TICRR: variants seen among roughly 807,000 people sequenced by gnomAD.
TICRR encodes treslin.
TICRR carries 132 observed loss-of-function variants against 178.1 expected under a neutral mutation model. The observed-to-expected ratio is 0.74, with a 90% confidence interval of 0.64 to 0.86. TICRR has a LOEUF of 0.86. TICRR is among the 40% of genes least tolerant of loss of function. TICRR has a pLI of 0.00. For missense variants in TICRR, 2,587 were observed against 2,334.3 expected (o/e 1.11, Z -2.23); for synonymous variants, 991 against 900.7 (o/e 1.10, Z -1.79).
At chr15:89,606,877 T>A in intron 14 of TICRR, 52 bp downstream of exon 14, 7 of 1,505,720 alleles carry the variant, frequency 4.6e-6, no homozygotes, top group Non-Finnish European at 6.5e-6. Context: ...ACAACTTTAT[T>A]TTTATTGTAT....
At chr15:89,602,954 C>G (rs1304600850) in intron 13 of TICRR, 62 bp downstream of exon 13, 2 of 868,038 alleles carry the variant, frequency 2.3e-6, no homozygotes, top group Non-Finnish European at 3.3e-6. Context: ...AGTGTCCCTA[C>G]TTTTAGGAAA....
Position 89,576,111 on chromosome 15 carries a change from G to A in TICRR, c.525G>A (p.Glu175=), listed in dbSNP as rs371496400. 7.9e-5 allele frequency: 128 copies of A among 1,611,036 alleles called. No individual in the cohort carries two copies. Among genetic ancestry groups the A allele is most frequent in the Admixed American group, 2.5e-4 (15 of 59,998 alleles). ...TGCTGCAGTTCGTGTCTGGGTGCGA[G>A]GCCCAGGCCCAGCGCCTGCCGCCCA... ...RELLQFVSGC[E]AQAQRLPPTP... Residue 175 remains glutamate (E), a synonymous_variant, in exon 1 of 22, where the codon GAG becomes GAA. Transcript: ENST00000268138.
At chr15:89,601,206 G>T (rs1963088985) in intron 9 of TICRR, 92 bp from the exon 10 acceptor site, 2 of 1,084,582 alleles carry the variant, frequency 1.8e-6, no homozygotes, top group African/African-American at 1.6e-5. Context: ...TTTGGTTGTT[G>T]TGTCTTATAT....
At position 89,602,012 on chromosome 15, in the gene TICRR, T is replaced by C. The variant is rs199987400; in HGVS notation, c.2567+36T>C. 1.3e-4 allele frequency: 214 copies of C among 1,611,576 alleles called. No homozygotes were observed. In the African/African-American group the frequency reaches 2.4e-3, roughly 18 times the overall value. On this transcript the variant is annotated intron_variant, in intron 12 of 21. Coordinates refer to ENST00000268138, the MANE Select transcript of TICRR (RefSeq NM_152259.4). ...AAAGAATCAAAGGAATTATTTGCAC[T>C]GTTATAGTTCTGATAAAAGATGTGT...
chr15:89,583,592 T>A (rs1596039637), intron 2 of TICRR, among the ~76,000 whole-genome samples: 1 of 152,338 alleles, frequency 6.6e-6, no homozygotes, highest in East Asian at 1.9e-4. Flanking sequence ...GAATTTAACC[T>A]CCTCATAAGA....
intron 7 of TICRR, among the ~76,000 whole-genome samples, chr15:89,595,944 G>A (rs1962991710): frequency 6.6e-6 from 1 of 151,906 alleles, no homozygotes; most frequent in African/African-American, 2.4e-5. Flanking sequence ...CCTGTGGAAT[G>A]TGAGAGCCAT....
intron 14 of TICRR, among the ~76,000 whole-genome samples, chr15:89,607,615 AG>A (rs1445376167): frequency 6.6e-6 from 1 of 152,144 alleles, no homozygotes; most frequent in East Asian, 1.9e-4. Flanking sequence ...AATGGAGATA[AG>A]GAAACAATTT....
chr15:89,596,573 C>G (rs1278782800), intron 7 of TICRR, among the ~76,000 whole-genome samples: 1 of 152,160 alleles, frequency 6.6e-6, no homozygotes, highest in Non-Finnish European at 1.5e-5. Context: ...TTTCGAACTC[C>G]TAACCTCAGG....
At position 89,601,846 on chromosome 15, in the gene TICRR, T is replaced by C. The variant is rs112599138; in HGVS notation, c.2437T>C (p.Ser813Pro). The C allele has an allele frequency of 2.8e-5, 45 of 1,614,168 alleles. No homozygotes were observed. Among genetic ancestry groups the C allele is most frequent in the Non-Finnish European group, 3.7e-5 (44 of 1,180,018 alleles). ...TCCTACAGATTTTTTCAGTGATGAC[T>C]CCATGACACAAGAGAACAAATCACC... ...VLPTDFFSDD[S>P]MTQENKSPLL... is the part of the protein sequence containing the mutation. The change falls in exon 12 of 22, where the codon TCC becomes CCC. Residue 813 changes from serine to proline, a missense_variant. Transcript: ENST00000268138.
chr15:89,611,638 A>T (rs1192551977), intron 15 of TICRR, among the ~76,000 whole-genome samples: 1 of 152,042 alleles, frequency 6.6e-6, no homozygotes, highest in Non-Finnish European at 1.5e-5. Flanking sequence ...ATGGTGTCCT[A>T]CAGGTCCCTC....
At chr15:89,591,615 G>C (rs1217457600) in intron 4 of TICRR, 2 of 152,350 alleles carry the variant, frequency 1.3e-5, no homozygotes, top group Non-Finnish European at 2.9e-5. Context: ...TGTAATCCCA[G>C]CTACTCAGGA....
intron 15 of TICRR, among the ~76,000 whole-genome samples, chr15:89,613,037 C>T (rs1963278003): frequency 6.6e-6 from 1 of 152,170 alleles, no homozygotes; most frequent in African/African-American, 2.4e-5. Flanking sequence ...CTGTTTAACT[C>T]TTTATGTGGA....
In TICRR at chr15:89,583,647, T is replaced by C. The variant is rs75927488; in HGVS notation, c.935-639T>C. ...TGGATTTAAGAAGTGGTGTCTTCTT[T>C]CTTATAAGTAGTAAACATTGCTTGA... is the stretch of plus-strand genomic sequence containing the variant. On this transcript the variant is annotated intron_variant, in intron 2 of 21. Coordinates refer to ENST00000268138, the MANE Select transcript of TICRR (RefSeq NM_152259.4). Among the ~76,000 whole-genome samples the C allele has an allele frequency of 4.2e-3, 647 of 152,318 alleles. 4 individuals carry two copies. The highest frequency in any genetic ancestry group is 0.014 in the African/African-American group (602 of 41,568).
chr15:89,620,782 G>A (rs1340508905), intron 18 of TICRR, among the ~76,000 whole-genome samples: 2 of 151,992 alleles, frequency 1.3e-5, no homozygotes, highest in African/African-American at 4.8e-5. Flanking sequence ...GAGTGCAGTG[G>A]CGCAATCTTG....
chr15:89,580,498 CAG>C (rs1962704684), intron 1 of TICRR, among the ~76,000 whole-genome samples: 1 of 152,178 alleles, frequency 6.6e-6, no homozygotes, highest in Non-Finnish European at 1.5e-5. Context: ...GCAGTGAACA[CAG>C]ATATAGATAC....
Position 89,624,331 on chromosome 15 carries a change from A to G in TICRR, c.4021A>G (p.Lys1341Glu), listed in dbSNP as rs760499981. Residue 1341 changes from lysine (K) to glutamate (E), a missense_variant, in exon 20 of 22, where the codon AAA (lysine) becomes GAA (glutamate). Coordinates refer to ENST00000268138, the MANE Select transcript of TICRR (RefSeq NM_152259.4). ...TCCTTCCCCAGGAGAACTGGATCAGAAAGAGCCCCAGATGTCACCCAGCGT... is the reference window on the plus strand; with the variant it reads ...TCCTTCCCCAGGAGAACTGGATCAGGAAGAGCCCCAGATGTCACCCAGCGT... The part of the protein sequence containing the change: ...ECPSPGELDQ[K>E]EPQMSPSVAA... 9 of 1,614,062 alleles carry G rather than the reference A, an allele frequency of 5.6e-6. No homozygotes were observed. Among genetic ancestry groups the G allele is most frequent in the Non-Finnish European group, 6.8e-6 (8 of 1,180,044 alleles).
rs1164473752 is a variant in TICRR at position 89,624,420 on chromosome 15, G to T, written c.4110G>T (p.Leu1370Phe). ...TPPELSQRAT[L>F]DTVPPPPPSK... is the part of the protein sequence containing the mutation. Reference sequence around the variant, plus strand: ...CTGAACTCTCACAGAGAGCTACATTGGACACCGTCCCTCCTCCACCCCCTT... The same window carrying T: ...CTGAACTCTCACAGAGAGCTACATTTGACACCGTCCCTCCTCCACCCCCTT... The change falls in exon 20 of 22, where the codon TTG (leucine) becomes TTT (phenylalanine). Residue 1370 changes from leucine (L) to phenylalanine (F), a missense_variant. Coordinates refer to ENST00000268138, the MANE Select transcript of TICRR (RefSeq NM_152259.4). 1.9e-6 allele frequency: 3 copies of T among 1,614,042 alleles called. No homozygotes were observed. In the East Asian group the frequency reaches 6.7e-5, roughly 36 times the overall value.
intron 15 of TICRR, among the ~76,000 whole-genome samples, chr15:89,611,207 C>T (rs1262016501): frequency 6.6e-6 from 1 of 152,020 alleles, no homozygotes; most frequent in African/African-American, 2.4e-5. Flanking sequence ...ATTATGAACT[C>T]CCTCAGCTTT....
intron 4 of TICRR, among the ~76,000 whole-genome samples, chr15:89,591,238 C>T (rs148265551): frequency 6.6e-6 from 1 of 152,162 alleles, no homozygotes; most frequent in Admixed American, 6.5e-5. Flanking sequence ...CTTCTCCTGC[C>T]TGAACCTCCC....
Sources: allele counts gnomAD v4.1 joint callset (sites outside exome capture counted in the v4.1 genomes callset), GRCh38; gene constraint gnomAD v4.1.1; transcripts MANE v1.5; gene names NCBI Gene and HGNC (gene_info 2026-07-23, HGNC 2026-07-21).